The following FLT3 variants were observed in gnomAD, a reference collection of about 807,000 sequenced individuals.
The protein encoded by FLT3 is receptor-type tyrosine-protein kinase FLT3.
FLT3 carries 46 observed loss-of-function variants against 126.6 expected under a neutral mutation model. That is an observed-to-expected ratio of 0.36 (90% CI 0.29 to 0.46). FLT3 has a LOEUF of 0.46. Among genes scored for constraint, FLT3 ranks in the 20% least tolerant of loss-of-function variants. The probability of loss-of-function intolerance (pLI) is 1.00; values close to 1 mark genes in which losing one functional copy is unlikely to be tolerated. For missense variants in FLT3, 1,069 were observed against 1,190.3 expected (o/e 0.90, Z 1.50); for synonymous variants, 404 against 434.4 (o/e 0.93, Z 0.87).
At chr13:28,074,733 T>C (rs1343058141) in intron 1 of FLT3, among the ~76,000 whole-genome samples, 1 of 152,190 alleles carries the variant, frequency 6.6e-6, no homozygotes, top group African/African-American at 2.4e-5. Flanking sequence ...CTTGACCTCC[T>C]GGGCTCAAGC....
chr13:28,009,500 A>G (rs1347886110), intron 23 of FLT3: 1 of 152,214 alleles, frequency 6.6e-6, no homozygotes, highest in East Asian at 1.9e-4. Context: ...TCTGGTCCAC[A>G]AAAAGATCTC....
At chr13:28,066,283 T>C (rs1877027615) in intron 2 of FLT3, among the ~76,000 whole-genome samples, 1 of 152,212 alleles carries the variant, frequency 6.6e-6, no homozygotes, top group Admixed American at 6.5e-5. Flanking sequence ...CTATATATTG[T>C]ATTTCCAGGC....
chr13:28,075,675 G>T (rs1223478690), intron 1 of FLT3, among the ~76,000 whole-genome samples: 1 of 151,484 alleles, frequency 6.6e-6, no homozygotes, highest in Non-Finnish European at 1.5e-5. Context: ...CAGTGAGCAG[G>T]GATCACGCCA....
At chr13:28,035,711 C>T in intron 11 of FLT3, 38 bp from the exon 12 acceptor site, 1 of 1,571,258 alleles carries the variant, frequency 6.4e-7, no homozygotes, top group Non-Finnish European at 8.6e-7. Flanking sequence ...GACAGGTGAG[C>T]TGTCATCAGA....
chr13:28,025,370 A>G lies in FLT3; in HGVS notation c.2208-427T>C, dbSNP rs556394369. 75 of 453,100 alleles carry G rather than the reference A, an allele frequency of 1.7e-4. 1 individual carries two copies. The highest frequency in any genetic ancestry group is 2.9e-4 in the Non-Finnish European group (65 of 227,514). 28.1% of individuals were successfully genotyped at this position (453,100 alleles called of 1,614,324 possible). On this transcript the variant is annotated intron_variant, in intron 17 of 23. Coordinates refer to ENST00000241453, the MANE Select transcript of FLT3 (RefSeq NM_004119.3). ...CCGAGAGTCCCGTAAGCGTTTCACC[A>G]TCCTTCTTTTTTCCAGTTTGCCTTT...
chr13:28,052,450 A>G, intron 5 of FLT3, 95 bp downstream of exon 5: 3 of 1,285,302 alleles, frequency 2.3e-6, no homozygotes, highest in Non-Finnish European at 2.2e-6. Flanking sequence ...TTAAATGAGC[A>G]TAAATTAAAT....
At chr13:28,045,934 C>A (rs1418134650) in intron 9 of FLT3, among the ~76,000 whole-genome samples, 158 of 122,668 alleles carry the variant, frequency 1.3e-3, no homozygotes, top group South Asian at 1.6e-3. Context: ...CAATGGTTCT[C>A]AAAAAAAAAA....
intron 9 of FLT3, among the ~76,000 whole-genome samples, chr13:28,040,394 T>C (rs903121055): frequency 6.6e-6 from 1 of 151,756 alleles, no homozygotes; most frequent in Non-Finnish European, 1.5e-5. Flanking sequence ...ATACAGAAGA[T>C]AAAGGGGAGA....
intron 1 of FLT3, among the ~76,000 whole-genome samples, chr13:28,071,954 T>C (rs1385683912): frequency 6.6e-6 from 1 of 151,940 alleles, no homozygotes; most frequent in Non-Finnish European, 1.5e-5. Context: ...GGATGATAGG[T>C]GTGAGCCACT....
At chr13:28,081,844 C>CTTTTTTTTTTTTTTTTTTTTTTTGTTTT (rs1878336782) in intron 1 of FLT3, among the ~76,000 whole-genome samples, 1 of 64,974 alleles carries the variant, frequency 1.5e-5, no homozygotes, top group Non-Finnish European at 2.7e-5. Context: ...TACTTTGATT[C>CTTTTTTTTTTTTTTTTTTTTTTTGTTTT]TTTTTTTTTT....
rs201312118 is a variant in FLT3 at position 28,023,501 on chromosome 13, C to T, written c.2291-24G>A. On this transcript the variant is annotated intron_variant, in intron 18 of 23. Transcript: ENST00000241453. Reference sequence around the variant, plus strand: ...ATCTGTAAAATAGAGCCAGTCTTCACTTTTGCCAAAACTCTAAGAAGTTGC... The same window carrying T: ...ATCTGTAAAATAGAGCCAGTCTTCATTTTTGCCAAAACTCTAAGAAGTTGC... The T allele has an allele frequency of 2.3e-5, 37 of 1,610,538 alleles. No homozygotes were observed. The African/African-American group carries it at 4.0e-4, about 17-fold the overall frequency.
intron 1 of FLT3, among the ~76,000 whole-genome samples, chr13:28,094,847 T>C (rs975370414): frequency 1.3e-5 from 2 of 152,164 alleles, no homozygotes; most frequent in African/African-American, 2.4e-5. Context: ...TTGGTACTCA[T>C]AGAACAGAAT....
intron 2 of FLT3, chr13:28,067,850 A>C: frequency 3.4e-6 from 1 of 293,502 alleles, no homozygotes; most frequent in East Asian, 9.6e-5. Flanking sequence ...CAAATCAACA[A>C]CTCATTCTCT....
intron 1 of FLT3, among the ~76,000 whole-genome samples, chr13:28,080,774 A>G (rs1878258031): frequency 6.6e-6 from 1 of 152,182 alleles, no homozygotes; most frequent in Admixed American, 6.5e-5. Context: ...TTTACATTTA[A>G]TTTTATATTT....
At position 28,020,394 on chromosome 13, in the gene FLT3, G is replaced by A. The variant is rs146275704; in HGVS notation, c.2419-1805C>T. 4.0e-3 allele frequency among the ~76,000 whole-genome samples: 607 copies of A among 152,122 alleles called. 2 individuals are homozygous for A. Among genetic ancestry groups the A allele is most frequent in the African/African-American group, 0.014 (590 of 41,492 alleles). On this transcript the variant is annotated intron_variant, in intron 19 of 23. Transcript: ENST00000241453. ...GAGAAAGTCTCACTCTGTCACCCAG[G>A]CTGGAGTGCAGCGGTACAATCTCTG...
At chr13:28,029,123 G>C (rs1873083749) in intron 15 of FLT3, among the ~76,000 whole-genome samples, 1 of 152,108 alleles carries the variant, frequency 6.6e-6, no homozygotes, top group Admixed American at 6.5e-5. Flanking sequence ...GGGCGCAGTG[G>C]CTCACACCTG....
chr13:28,084,962 G>A lies in FLT3; in HGVS notation c.44-14350C>T, dbSNP rs192098443. Among the ~76,000 whole-genome samples the A allele has an allele frequency of 3.2e-4, 39 of 121,956 alleles. No individual in the cohort carries two copies. In the East Asian group the frequency reaches 3.8e-3, roughly 12 times the overall value. The allele number at this position is 121,956 out of a possible 152,430, so 80.0% of individuals were successfully genotyped here. ...TGCACTCCAGCCTGGGCGACAGAGC[G>A]AGCCTTCCTCTAAAAAAAAAAAAAA... On this transcript the variant is annotated intron_variant, in intron 1 of 23. Coordinates refer to ENST00000241453, the MANE Select transcript of FLT3 (RefSeq NM_004119.3).
At chr13:28,072,268 C>A (rs1877584517) in intron 1 of FLT3, among the ~76,000 whole-genome samples, 1 of 151,746 alleles carries the variant, frequency 6.6e-6, no homozygotes, top group South Asian at 2.1e-4. Flanking sequence ...TACACATATA[C>A]ATACACACAT....
At chr13:28,076,361 T>A (rs1318924119) in intron 1 of FLT3, among the ~76,000 whole-genome samples, 3 of 152,210 alleles carry the variant, frequency 2.0e-5, no homozygotes, top group Non-Finnish European at 4.4e-5. Flanking sequence ...AAGGGAATTT[T>A]TTAGAGAGAA....
Sources: gnomAD v4.1 joint callset for allele counts (sites outside exome capture counted in the v4.1 genomes callset) on GRCh38, gnomAD v4.1.1 for gene constraint, MANE v1.5 for transcripts, NCBI Gene and HGNC (gene_info 2026-07-23, HGNC 2026-07-21) for gene names.